Variants in ARID1B observed in about 807,000 individuals in gnomAD.
ARID1B encodes AT-rich interaction domain 1B.
A neutral mutation model predicts 212.3 loss-of-function variants in ARID1B; 30 were observed. The ratio of observed to expected loss-of-function variants is 0.14; its 90% confidence interval spans 0.11 to 0.19. The LOEUF is 0.19. Among genes scored for constraint, ARID1B ranks in the 10% least tolerant of loss-of-function variants. ARID1B has a pLI of 1.00. For missense variants in ARID1B, 2,891 were observed against 3,204.0 expected, an observed-to-expected ratio of 0.90 and a Z score of 2.36; for synonymous variants, 1,402 against 1,301.7, an observed-to-expected ratio of 1.08 and a Z score of -1.66.
intron 4 of ARID1B, among the ~76,000 whole-genome samples, chr6:157,045,186 G>T (rs1252551247): frequency 6.6e-6 from 1 of 152,154 alleles, no homozygotes; most frequent in Non-Finnish European, 1.5e-5. Flanking sequence ...GTTTTAAACA[G>T]GGTCATGAAA....
chr6:157,039,662 C>CTTCCTTCTTTCTTTCT (rs1781624520), intron 4 of ARID1B, among the ~76,000 whole-genome samples: 1 of 50,026 alleles, frequency 2.0e-5, no homozygotes, highest in African/African-American at 1.3e-4. Flanking sequence ...TCCTTCCTTC[C>CTTCCTTCTTTCTTTCT]TTCCTTCCTT....
intron 2 of ARID1B, among the ~76,000 whole-genome samples, chr6:156,861,378 A>G (rs1785320454): frequency 1.3e-5 from 2 of 152,112 alleles, no homozygotes; most frequent in Admixed American, 1.3e-4. Context: ...ATGCCGGTGA[A>G]TTGCTGGACA....
intron 8 of ARID1B, among the ~76,000 whole-genome samples, chr6:157,158,032 T>A (rs1790684068): frequency 6.6e-6 from 1 of 152,140 alleles, no homozygotes; most frequent in South Asian, 2.1e-4. Flanking sequence ...TCTTAAAAAA[T>A]AATAATAATA....
intron 3 of ARID1B, among the ~76,000 whole-genome samples, chr6:156,927,205 T>C (rs922589261): frequency 2.0e-5 from 3 of 152,198 alleles, no homozygotes; most frequent in Non-Finnish European, 2.9e-5. Flanking sequence ...GTTAACAATT[T>C]GTTGTTATCT....
intron 6 of ARID1B, among the ~76,000 whole-genome samples, chr6:157,126,120 C>A (rs1366083388): frequency 6.6e-6 from 1 of 152,082 alleles, no homozygotes; most frequent in African/African-American, 2.4e-5. Flanking sequence ...TCAGATAGAA[C>A]CCCGCGCAGT....
chr6:156,895,840 A>G (rs937576533), intron 2 of ARID1B, among the ~76,000 whole-genome samples: 1 of 152,214 alleles, frequency 6.6e-6, no homozygotes, highest in African/African-American at 2.4e-5. Flanking sequence ...GGAGCAAAGC[A>G]TGGCTGAAGC....
At chr6:156,818,018 C>T (rs1782086649) in intron 1 of ARID1B, among the ~76,000 whole-genome samples, 1 of 151,108 alleles carries the variant, frequency 6.6e-6, no homozygotes, top group Non-Finnish European at 1.5e-5. Flanking sequence ...GTCTGTTGTC[C>T]TAATAGCATC....
intron 4 of ARID1B, among the ~76,000 whole-genome samples, chr6:157,006,975 A>G (rs1779286225): frequency 6.6e-6 from 1 of 152,268 alleles, no homozygotes; most frequent in African/African-American, 2.4e-5. Context: ...ACAGACACGC[A>G]AAGTTTATCA....
In ARID1B at chr6:157,203,646, G is replaced by T; in HGVS notation, c.5264-220G>T. The T allele has an allele frequency of 1.7e-6, 1 of 583,458 alleles. No individual in the cohort carries two copies. The highest frequency in any genetic ancestry group is 3.0e-6 in the Non-Finnish European group (1 of 330,836). 36.1% of individuals were successfully genotyped at this position (583,458 alleles called of 1,614,324 possible). A position where few individuals can be genotyped will look rare whatever the true frequency, so the allele number is the denominator to read the frequency against. ...CCAGAAGCACTTTCGGCCCCTGCGT[G>T]ACCAACAAAGCGAGATCTGAAACCA... is the stretch of plus-strand genomic sequence containing the variant. On this transcript the variant is annotated intron_variant, in intron 18 of 19. Coordinates refer to ENST00000636930, the MANE Select transcript of ARID1B (RefSeq NM_001374828.1). The surrounding 1 kb of genome is among the most constrained non-coding windows in gnomAD (Gnocchi z 4.4).
Position 157,210,393 on chromosome 6 carries a change from A to G in ARID1B, c.*2502A>G, listed in dbSNP as rs1275754489. 1 of 230,400 alleles carries G rather than the reference A, an allele frequency of 4.3e-6. No homozygotes were observed. Among genetic ancestry groups the G allele is most frequent in the Non-Finnish European group, 8.6e-6 (1 of 116,424 alleles). 14.3% of individuals were successfully genotyped at this position (230,400 alleles called of 1,614,324 possible). On this transcript the variant is annotated 3_prime_UTR_variant, in exon 20 of 20. Coordinates refer to ENST00000636930, the MANE Select transcript of ARID1B (RefSeq NM_001374828.1). ...CAATTCCTTTGTCAATCAGAAGAGT[A>G]AAATAATTAACAAAAGACTGTTGTT... is the stretch of plus-strand genomic sequence containing the variant.
chr6:157,047,632 G>A (rs566112673), intron 4 of ARID1B, among the ~76,000 whole-genome samples: 10 of 152,300 alleles, frequency 6.6e-5, no homozygotes, highest in South Asian at 6.2e-4. Context: ...GTAAAAAGAC[G>A]TTAGGAATTA....
intron 4 of ARID1B, among the ~76,000 whole-genome samples, chr6:157,051,126 G>A (rs1782575948): frequency 6.6e-6 from 1 of 152,204 alleles, no homozygotes; most frequent in Non-Finnish European, 1.5e-5. Flanking sequence ...TGACTGGGGA[G>A]ATATGCTAAT....
intron 5 of ARID1B, among the ~76,000 whole-genome samples, chr6:157,090,017 A>G (rs747456067): frequency 2.0e-5 from 3 of 152,204 alleles, no homozygotes; most frequent in Non-Finnish European, 4.4e-5. Flanking sequence ...GCATGGTGGA[A>G]GCTGACTCAG....
At chr6:157,121,222 T>C (rs1287885517) in intron 6 of ARID1B, among the ~76,000 whole-genome samples, 1 of 152,208 alleles carries the variant, frequency 6.6e-6, no homozygotes, top group Non-Finnish European at 1.5e-5. Flanking sequence ...CTTAGAGATA[T>C]GTTTTCATTG....
intron 6 of ARID1B, among the ~76,000 whole-genome samples, chr6:157,123,239 C>CCCCG (rs1491477354): frequency 5.5e-4 from 2 of 3,606 alleles, no homozygotes; most frequent in African/African-American, 7.2e-4. Context: ...CCGCCCCCCG[C>CCCCG]CCCCCCCCCA....
chr6:157,118,347 T>C (rs996531965), intron 6 of ARID1B, among the ~76,000 whole-genome samples: 10 of 152,344 alleles, frequency 6.6e-5, no homozygotes, highest in Admixed American at 5.2e-4. Context: ...TCATAAGATA[T>C]ACTGGTTGTC....
At chr6:157,120,915 T>C (rs1176798437) in intron 6 of ARID1B, among the ~76,000 whole-genome samples, 2 of 152,238 alleles carry the variant, frequency 1.3e-5, no homozygotes, top group African/African-American at 4.8e-5. Flanking sequence ...TTTTGTGCTT[T>C]CCTGCATGGG....
At chr6:157,154,754 T>A (rs1790465807) in intron 8 of ARID1B, among the ~76,000 whole-genome samples, 1 of 150,492 alleles carries the variant, frequency 6.6e-6, no homozygotes, top group Admixed American at 6.6e-5. Flanking sequence ...AATTTTTGTA[T>A]TTTTTTTTAG....
chr6:156,867,410 G>A (rs1353325514), intron 2 of ARID1B, among the ~76,000 whole-genome samples: 2 of 152,142 alleles, frequency 1.3e-5, no homozygotes, highest in African/African-American at 2.4e-5. Context: ...AAACTGAGCT[G>A]GGAGAAAGGG....
Sources: gnomAD v4.1 joint callset for allele counts (sites outside exome capture counted in the v4.1 genomes callset) on GRCh38, gnomAD v4.1.1 for gene constraint, Gnocchi (gnomAD v3.1) non-coding constraint, MANE v1.5 for transcripts, NCBI Gene and HGNC (gene_info 2026-07-23, HGNC 2026-07-21) for gene names.